Variants in SCN10A observed in about 807,000 individuals in gnomAD.
SCN10A encodes the protein sodium voltage-gated channel alpha subunit 10.
SCN10A carries 162 observed loss-of-function variants against 170.7 expected under a neutral mutation model. The ratio of observed to expected loss-of-function variants is 0.95; its 90% confidence interval spans 0.84 to 1.08. SCN10A has a LOEUF of 1.08. Ranked by LOEUF, SCN10A falls within the 50% of genes least tolerant of loss-of-function variation. The pLI, the probability that SCN10A is intolerant of heterozygous loss-of-function variation, is 0.00. For missense variants in SCN10A, 2,527 were observed against 2,436.9 expected, an observed-to-expected ratio of 1.04 and a Z score of -0.78; for synonymous variants, 985 against 904.6, an observed-to-expected ratio of 1.09 and a Z score of -1.59.
chr3:38,706,107 C>T (rs923930946), intron 26 of SCN10A, among the ~76,000 whole-genome samples: 3 of 152,192 alleles, frequency 2.0e-5, no homozygotes, highest in Admixed American at 2.0e-4. Context: ...CATTGTAATA[C>T]TTCTTATCAG....
intron 18 of SCN10A, 31 bp downstream of exon 18, chr3:38,725,143 T>C: frequency 6.4e-7 from 1 of 1,550,448 alleles, no homozygotes; most frequent in Non-Finnish European, 8.8e-7. Flanking sequence ...TGGCTGGCTG[T>C]CCAACCTCTC....
At chr3:38,736,922 A>G (rs548630441) in intron 15 of SCN10A, among the ~76,000 whole-genome samples, 1 of 150,024 alleles carries the variant, frequency 6.7e-6, no homozygotes, top group Non-Finnish European at 1.5e-5. Context: ...TAGACCTTAA[A>G]ACACTAAGCT....
chr3:38,744,597 AC>A (rs142241210), intron 13 of SCN10A, among the ~76,000 whole-genome samples: 1,803 of 151,872 alleles, frequency 0.012, 34 homozygotes, highest in African/African-American at 0.042. Flanking sequence ...AGCTTTTCTC[AC>A]TACAAGGCTT....
intron 5 of SCN10A, among the ~76,000 whole-genome samples, chr3:38,770,132 C>T (rs1192659213): frequency 6.6e-6 from 1 of 152,134 alleles, no homozygotes; most frequent in Admixed American, 6.5e-5. Context: ...TTTTCTTTTT[C>T]CTGGGATCAA....
intron 26 of SCN10A, among the ~76,000 whole-genome samples, chr3:38,703,713 A>G (rs2063181190): frequency 6.6e-6 from 1 of 152,228 alleles, no homozygotes; most frequent in African/African-American, 2.4e-5. Context: ...TAGACATCAG[A>G]GTTCTTCGAG....
At chr3:38,779,216 C>G (rs1169868392) in intron 4 of SCN10A, among the ~76,000 whole-genome samples, 1 of 152,022 alleles carries the variant, frequency 6.6e-6, no homozygotes, top group Non-Finnish European at 1.5e-5. Flanking sequence ...GAATGTCTAT[C>G]AATAGGAAAA....
chr3:38,801,861 G>A (rs575220997), intron 1 of SCN10A, among the ~76,000 whole-genome samples: 3 of 152,098 alleles, frequency 2.0e-5, no homozygotes, highest in African/African-American at 4.8e-5. Flanking sequence ...ATACAACTAC[G>A]GTTAGCATTT....
chr3:38,712,181 A>T lies in SCN10A; in HGVS notation c.4069T>A (p.Tyr1357Asn), dbSNP rs199703203. The T allele has an allele frequency of 2.0e-5, 32 of 1,614,136 alleles. No individual in the cohort carries two copies. In the Admixed American group the frequency reaches 5.2e-4, roughly 26 times the overall value. Residue 1357 changes from tyrosine to asparagine, a missense_variant, in exon 23 of 28, where the codon TAC becomes AAC. Transcript: ENST00000449082. ...CTCACCACCTGCAGAAGTGCAAGGT[A>T]ACCCATTGCAACATTATCAAAGTTG... ...KVNFDNVAMG[Y>N]LALLQVATFK... is the part of the protein sequence containing the mutation.
rs776838045 is a variant in SCN10A at position 38,698,141 on chromosome 3, C to T, written c.5079G>A (p.Gly1693=). The T allele has an allele frequency of 2.5e-6, 4 of 1,614,010 alleles. No individual in the cohort carries two copies. The African/African-American group carries it at 5.3e-5, about 22-fold the overall frequency. ...AGAAGATGATGCCTACGGCTGGGCTCCCACAGTCCCCTCTGGTGCCATTGC... is the reference window on the plus strand; with the variant it reads ...AGAAGATGATGCCTACGGCTGGGCTTCCACAGTCCCCTCTGGTGCCATTGC... ...PNSNGTRGDC[G]SPAVGIIFFT... is the part of the protein sequence containing the mutation. Residue 1693 remains glycine, a synonymous_variant, in exon 28 of 28, where the codon GGG becomes GGA. Coordinates refer to ENST00000449082, the MANE Select transcript of SCN10A (RefSeq NM_006514.4).
At chr3:38,793,665 G>A in intron 2 of SCN10A, 76 bp downstream of exon 2, 1 of 1,501,638 alleles carries the variant, frequency 6.7e-7, no homozygotes, top group South Asian at 1.3e-5. Context: ...GGGCCAAGGA[G>A]GACTTTCTGG....
chr3:38,722,693 T>C (rs569217647), intron 19 of SCN10A, among the ~76,000 whole-genome samples: 2 of 152,184 alleles, frequency 1.3e-5, no homozygotes, highest in Admixed American at 1.3e-4. Flanking sequence ...TCTGCCCACC[T>C]ATACCTGGAA....
chr3:38,797,195 C>T (rs1357704239), intron 1 of SCN10A, among the ~76,000 whole-genome samples: 3 of 152,136 alleles, frequency 2.0e-5, no homozygotes, highest in South Asian at 2.1e-4. Context: ...TCCCACCATA[C>T]CTAGAGGTAT....
At chr3:38,763,874 G>C (rs2063903306) in intron 5 of SCN10A, among the ~76,000 whole-genome samples, 1 of 152,192 alleles carries the variant, frequency 6.6e-6, no homozygotes, top group African/African-American at 2.4e-5. Flanking sequence ...AGTCTCCTCA[G>C]ACACTGATTT....
intron 1 of SCN10A, among the ~76,000 whole-genome samples, chr3:38,794,700 T>G (rs563444595): frequency 5.9e-5 from 9 of 152,282 alleles, no homozygotes; most frequent in African/African-American, 2.2e-4. Flanking sequence ...CTAGAACAGT[T>G]CCCCTGAACT....
At chr3:38,760,829 CAA>C in intron 7 of SCN10A, 82 bp from the exon 8 acceptor site, 2 of 1,157,428 alleles carry the variant, frequency 1.7e-6, no homozygotes, top group Non-Finnish European at 2.6e-6. Context: ...GCAATATTCC[CAA>C]GTCTTCCAAA....
intron 4 of SCN10A, among the ~76,000 whole-genome samples, chr3:38,784,533 T>A (rs1486035015): frequency 6.6e-6 from 1 of 152,154 alleles, no homozygotes; most frequent in Admixed American, 6.6e-5. Flanking sequence ...TCATACTGAA[T>A]GGGCAAAAAC....
chr3:38,782,445 T>A (rs764690747), intron 4 of SCN10A, among the ~76,000 whole-genome samples: 2 of 152,100 alleles, frequency 1.3e-5, no homozygotes, highest in Non-Finnish European at 2.9e-5. Context: ...ACATCATTTG[T>A]CCTCTGTGTT....
chr3:38,728,439 G>A, intron 16 of SCN10A, 103 bp downstream of exon 16: 7 of 1,296,930 alleles, frequency 5.4e-6, no homozygotes, highest in Non-Finnish European at 7.3e-6. Flanking sequence ...AACCAGAGAA[G>A]TACAATCTGG....
chr3:38,700,723 G>A (rs767805536), intron 27 of SCN10A, among the ~76,000 whole-genome samples: 14 of 152,208 alleles, frequency 9.2e-5, no homozygotes, highest in Non-Finnish European at 1.6e-4. Context: ...AGGTGGGGAG[G>A]TTGATGAAAT....
Sources: allele counts gnomAD v4.1 joint callset (sites outside exome capture counted in the v4.1 genomes callset), GRCh38; gene constraint gnomAD v4.1.1; transcripts MANE v1.5; gene names NCBI Gene and HGNC (gene_info 2026-07-23, HGNC 2026-07-21).